The following BCL2L1 variants were observed in gnomAD, a reference collection of about 807,000 sequenced individuals.
The protein encoded by BCL2L1 is bcl-2-like protein 1.
BCL2L1 carries 1 observed loss-of-function variant against 18.7 expected under a neutral mutation model. The observed-to-expected ratio is 0.05, with a 90% CI of 0.02 to 0.25. BCL2L1 has a LOEUF of 0.25. Ranked by LOEUF, BCL2L1 falls within the 10% of genes least tolerant of loss-of-function variation. The pLI, the probability that BCL2L1 is intolerant of heterozygous loss-of-function variation, is 1.00. For synonymous variants in BCL2L1, 103 were observed against 122.7 expected, an observed-to-expected ratio of 0.84 and a Z score of 1.06; for missense variants, 207 against 304.9, an observed-to-expected ratio of 0.68 and a Z score of 2.39.
chr20:31,673,515 T>C (rs948769033), intron 2 of BCL2L1, among the ~76,000 whole-genome samples: 2 of 143,060 alleles, frequency 1.4e-5, no homozygotes, highest in African/African-American at 5.2e-5. Flanking sequence ...ATTAGCTGGG[T>C]GTGGTGGTAT....
At chr20:31,709,198 T>C (rs753796814) in intron 2 of BCL2L1, among the ~76,000 whole-genome samples, 3 of 152,170 alleles carry the variant, frequency 2.0e-5, no homozygotes, top group African/African-American at 2.4e-5. Context: ...ACCAACTTTA[T>C]TGCTGACACA....
intron 2 of BCL2L1, chr20:31,713,608 C>G: frequency 1.0e-6 from 1 of 985,022 alleles, no homozygotes; most frequent in Non-Finnish European, 1.2e-6. Flanking sequence ...AGAGTCTCAT[C>G]AGGGATGAAA....
intron 2 of BCL2L1, among the ~76,000 whole-genome samples, chr20:31,697,075 A>G (rs1408947719): frequency 6.7e-6 from 1 of 148,762 alleles, no homozygotes; most frequent in Admixed American, 6.7e-5. Context: ...AAAAAAAATT[A>G]GCTAGGCATG....
At chr20:31,683,830 G>C (rs2060908595) in intron 2 of BCL2L1, among the ~76,000 whole-genome samples, 1 of 142,240 alleles carries the variant, frequency 7.0e-6, no homozygotes, top group African/African-American at 2.5e-5. Flanking sequence ...CATGAAGGCA[G>C]GTATCCCCAG....
chr20:31,714,212 C>T (rs190880422), intron 2 of BCL2L1, among the ~76,000 whole-genome samples: 1 of 152,296 alleles, frequency 6.6e-6, no homozygotes, highest in East Asian at 1.9e-4. Flanking sequence ...TAGAGAGAAC[C>T]AGCATTCCTT....
chr20:31,689,560 C>T (rs755363207), intron 2 of BCL2L1, among the ~76,000 whole-genome samples: 12 of 152,114 alleles, frequency 7.9e-5, no homozygotes, highest in East Asian at 3.9e-4. Flanking sequence ...GGCTGGCAAC[C>T]GCCTGAAAAT....
At chr20:31,705,346 A>G (rs967827250) in intron 2 of BCL2L1, among the ~76,000 whole-genome samples, 11 of 152,206 alleles carry the variant, frequency 7.2e-5, no homozygotes, top group Non-Finnish European at 1.5e-4. Context: ...AATCCTTACA[A>G]AAACCCTATG....
Position 31,714,516 on chromosome 20 carries a change from T to C in BCL2L1, c.564+7139A>G, listed in dbSNP as rs182799122. 9.9e-4 allele frequency among the ~76,000 whole-genome samples: 151 copies of C among 152,304 alleles called. 1 individual carries two copies. The highest frequency in any genetic ancestry group is 3.6e-3 in the African/African-American group (149 of 41,560). Reference sequence around the variant, plus strand: ...TTCTGTGGAAAGATAATAAGAATAATGATACCAACATGGCTCCAGTCTTTA... The same window carrying C: ...TTCTGTGGAAAGATAATAAGAATAACGATACCAACATGGCTCCAGTCTTTA... On this transcript the variant is annotated intron_variant, in intron 2 of 2. Coordinates refer to ENST00000307677, the MANE Select transcript of BCL2L1 (RefSeq NM_138578.3).
At chr20:31,697,892 G>GTTTTTTTTTTTTTTTTTGTTTGTTT (rs199575410) in intron 2 of BCL2L1, among the ~76,000 whole-genome samples, 6 of 129,636 alleles carry the variant, frequency 4.6e-5, no homozygotes, top group African/African-American at 6.6e-5. Flanking sequence ...TGCTGTTGCT[G>GTTTTTTTTTTTTTTTTTGTTTGTTT]TTTTTTTTTT....
At chr20:31,713,235 G>A (rs1471643196) in intron 2 of BCL2L1, 9 of 974,284 alleles carry the variant, frequency 9.2e-6, no homozygotes, top group Non-Finnish European at 3.7e-6. Flanking sequence ...GCCTAGGGTA[G>A]GGGGTAATGG....
intron 2 of BCL2L1, among the ~76,000 whole-genome samples, chr20:31,687,676 C>CAAAAAA (rs60094670): frequency 2.5e-5 from 2 of 81,492 alleles, no homozygotes; most frequent in Non-Finnish European, 5.1e-5. Context: ...GACTCTGTCT[C>CAAAAAA]AAAAAAAAAA....
At chr20:31,720,458 G>A (rs1416391370) in intron 2 of BCL2L1, 3 of 859,788 alleles carry the variant, frequency 3.5e-6, no homozygotes, top group Non-Finnish European at 4.2e-6. Flanking sequence ...CTGCACCTCC[G>A]CTAGGTAGGG....
intron 2 of BCL2L1, among the ~76,000 whole-genome samples, chr20:31,700,586 G>T (rs2061260931): frequency 1.3e-5 from 2 of 152,116 alleles, no homozygotes; most frequent in Admixed American, 1.3e-4. Context: ...CTTGAGAGTT[G>T]GTCTCAGCCT....
rs117499605 is a variant in BCL2L1 at position 31,676,913 on chromosome 20, G to A, written c.565-10827C>T. Among the ~76,000 whole-genome samples, 215 of 152,306 alleles carry A rather than the reference G, an allele frequency of 1.4e-3. 3 individuals carry two copies. The highest frequency in any genetic ancestry group is 8.3e-3 in the East Asian group (43 of 5,182). ...GAAAACTCTTCCCTGTCAGGGAGCTGATGCTCGTCTCCCTCTGTCTCCCTT... is the reference window on the plus strand; with the variant it reads ...GAAAACTCTTCCCTGTCAGGGAGCTAATGCTCGTCTCCCTCTGTCTCCCTT... On this transcript the variant is annotated intron_variant, in intron 2 of 2. Transcript: ENST00000307677.
chr20:31,674,394 T>G (rs932212514), intron 2 of BCL2L1, among the ~76,000 whole-genome samples: 9 of 152,204 alleles, frequency 5.9e-5, no homozygotes, highest in African/African-American at 2.2e-4. Flanking sequence ...GCTGGTGACC[T>G]AACTGGGATG....
At chr20:31,678,016 G>A (rs2060791976) in intron 2 of BCL2L1, among the ~76,000 whole-genome samples, 2 of 152,202 alleles carry the variant, frequency 1.3e-5, no homozygotes, top group African/African-American at 4.8e-5. Context: ...TATAGCAGGT[G>A]ATTATGCAAG....
At chr20:31,720,376 A>G (rs1039225715) in intron 2 of BCL2L1, among the ~76,000 whole-genome samples, 1 of 152,148 alleles carries the variant, frequency 6.6e-6, no homozygotes, top group Admixed American at 6.5e-5. Context: ...AGCTCCTTCA[A>G]TGGATGACTT....
chr20:31,705,325 A>G (rs573696381), intron 2 of BCL2L1, among the ~76,000 whole-genome samples: 1 of 152,328 alleles, frequency 6.6e-6, no homozygotes, highest in African/African-American at 2.4e-5. Flanking sequence ...CATTCTTACA[A>G]AAGGCTCTTA....
intron 2 of BCL2L1, among the ~76,000 whole-genome samples, chr20:31,673,975 A>G (rs560870694): frequency 3.9e-5 from 6 of 152,316 alleles, no homozygotes; most frequent in Admixed American, 1.3e-4. Context: ...TCCTCATAAC[A>G]TTTATCAATA....
Sources: gnomAD v4.1 joint callset for allele counts (sites outside exome capture counted in the v4.1 genomes callset) on GRCh38, gnomAD v4.1.1 for gene constraint, MANE v1.5 for transcripts, NCBI Gene and HGNC (gene_info 2026-07-23, HGNC 2026-07-21) for gene names.